XPO6: variants seen among roughly 807,000 people sequenced by gnomAD.
XPO6 encodes exportin 6, also known as exportin-6.
In XPO6, 3 loss-of-function variants were observed where a neutral mutation model predicts 130.0. The observed-to-expected ratio is 0.02, with a 90% confidence interval of 0.01 to 0.06. The LOEUF (loss-of-function observed/expected upper bound fraction) is 0.06, where lower values mean the gene tolerates loss of function less well. Among genes scored for constraint, XPO6 ranks in the 10% least tolerant of loss-of-function variants. The probability of loss-of-function intolerance (pLI) is 1.00; values close to 1 mark genes in which losing one functional copy is unlikely to be tolerated. For missense variants in XPO6, 970 were observed against 1,393.0 expected (o/e 0.70, Z 4.83); for synonymous variants, 524 against 548.9 (o/e 0.95, Z 0.63).
chr16:28,117,495 G>A, intron 14 of XPO6, 33 bp from the exon 15 acceptor site: 1 of 1,605,742 alleles, frequency 6.2e-7, no homozygotes, highest in Non-Finnish European at 8.5e-7. Context: ...GATTTTAAAG[G>A]TTAAGGTGAA....
rs911663756 is a variant in XPO6, at chr16:28,104,698, G to C, written c.2794C>G (p.Pro932Ala). 1.2e-6 allele frequency: 2 copies of C among 1,613,832 alleles called. No homozygotes were observed. The highest frequency in any genetic ancestry group is 2.7e-5 in the African/African-American group (2 of 74,936). Residue 932 changes from proline to alanine, a missense_variant, in exon 21 of 24, where the codon CCT becomes GCT. Pro to Ala is a conservative substitution (Grantham distance 27, BLOSUM62 -1). Coordinates refer to ENST00000304658, the MANE Select transcript of XPO6 (RefSeq NM_015171.4). ...VYPIIAERPS[P>A]DVKAELFELL... ...TCAAACAGCTCGGCCTTCACATCAG[G>C]GGAGGGACGCTGCAAAGACACACAG...
In XPO6 at chr16:28,132,376, C is replaced by T. The variant is rs2042688947; in HGVS notation, c.1564G>A (p.Val522Ile). 4 of 1,607,476 alleles carry T rather than the reference C, an allele frequency of 2.5e-6. No individual in the cohort carries two copies. The highest frequency in any genetic ancestry group is 2.5e-6 in the Non-Finnish European group (3 of 1,177,156). ...LFPVLQDNLEVYLGLQQFIVT... is the reference protein window; with the variant it reads ...LFPVLQDNLEIYLGLQQFIVT... The stretch of plus-strand genomic sequence containing the variant: ...ATAAACTGTTGTAATCCCAAATAAA[C>T]TTCTAAATTGTCCTGAAGAACAGGG... The change falls in exon 12 of 24, where the codon GTT becomes ATT. Residue 522 changes from valine (V) to isoleucine (I), a missense_variant. Physicochemically the swap from Val to Ile is conservative, Grantham distance 29 (BLOSUM62 3). Around this residue, in one of 4 missense-constraint regions of XPO6, gnomAD observed 936 missense variants for 1,306.8 expected, o/e 0.72. Transcript: ENST00000304658. The surrounding 1 kb of genome is among the most constrained non-coding windows in gnomAD (Gnocchi z 4.0).
chr16:28,166,842 TG>T (rs1467057080), intron 5 of XPO6: 19 of 984,382 alleles, frequency 1.9e-5, no homozygotes, highest in Admixed American at 1.2e-4. Flanking sequence ...CAGAGTCACC[TG>T]GTTGCTGCAT....
Position 28,106,080 on chromosome 16 carries a change from G to A in XPO6, c.2747C>T (p.Ala916Val), listed in dbSNP as rs1251536153. Residue 916 changes from alanine to valine, a missense_variant, in exon 20 of 24, where the codon GCC (alanine) becomes GTC (valine). Physicochemically the swap from Ala to Val is moderately conservative, Grantham distance 64. Around this residue, in one of 4 missense-constraint regions of XPO6, gnomAD observed 936 missense variants for 1,306.8 expected, o/e 0.72. Transcript: ENST00000304658. This position sits in a 1 kb window ranked among gnomAD's most constrained non-coding sequence, Gnocchi z 4.2. ...GGGATACACTTGCTCCATGCACAGG[G>A]CGATGATGCTGGGGAGGAAGGGCTT... Reference protein sequence around the residue: ...VFKPFLPSIIALCMEQVYPII... With the variant: ...VFKPFLPSIIVLCMEQVYPII... 1.9e-6 allele frequency: 3 copies of A among 1,614,058 alleles called. No homozygotes were observed. Among genetic ancestry groups the A allele is most frequent in the Admixed American group, 1.7e-5 (1 of 60,012 alleles).
intron 9 of XPO6, among the ~76,000 whole-genome samples, chr16:28,138,446 T>C (rs1219529216): frequency 6.8e-6 from 1 of 146,002 alleles, no homozygotes; most frequent in Non-Finnish European, 1.5e-5. Context: ...AACTGGCAAT[T>C]GGCAACTCTG....
chr16:28,158,365 G>A (rs902579620), intron 6 of XPO6, among the ~76,000 whole-genome samples: 1 of 152,168 alleles, frequency 6.6e-6, no homozygotes, highest in Admixed American at 6.5e-5. Context: ...ATGGGATATT[G>A]CAACAGATGA....
At chr16:28,209,562 C>T (rs2044092055) in intron 1 of XPO6, among the ~76,000 whole-genome samples, 1 of 151,126 alleles carries the variant, frequency 6.6e-6, no homozygotes, top group Non-Finnish European at 1.5e-5. Flanking sequence ...ATCACTTGAA[C>T]CCGGGAGGCA....
chr16:28,111,884 G>A lies in XPO6; in HGVS notation c.2274C>T (p.Leu758=). Residue 758 remains leucine, a synonymous_variant, in exon 17 of 24, where the codon CTC becomes CTT. Coordinates refer to ENST00000304658, the MANE Select transcript of XPO6 (RefSeq NM_015171.4). ...GCTTCAGGTTGCGATAGTCCCGGGA[G>A]AGTGCAGAGATGAGGCTGGCGTGGT... is the stretch of plus-strand genomic sequence containing the variant. The part of the protein sequence containing the change: ...SINHASLISA[L]SRDYRNLKPS... 1 of 1,614,212 alleles carries A rather than the reference G, an allele frequency of 6.2e-7. No homozygotes were observed. The highest frequency in any genetic ancestry group is 8.5e-7 in the Non-Finnish European group (1 of 1,180,032).
chr16:28,169,299 C>T (rs2043412607), intron 5 of XPO6, among the ~76,000 whole-genome samples: 1 of 152,200 alleles, frequency 6.6e-6, no homozygotes, highest in African/African-American at 2.4e-5. Flanking sequence ...AGACAAAATG[C>T]TACATACAAC....
chr16:28,186,600 C>T (rs2043699816), intron 1 of XPO6, among the ~76,000 whole-genome samples: 1 of 151,526 alleles, frequency 6.6e-6, no homozygotes, highest in Non-Finnish European at 1.5e-5. Context: ...GAACACCTGA[C>T]TTCAAGTGAT....
intron 1 of XPO6, among the ~76,000 whole-genome samples, chr16:28,192,227 C>T (rs1157824303): frequency 1.4e-5 from 2 of 142,634 alleles, no homozygotes; most frequent in Non-Finnish European, 3.0e-5. Flanking sequence ...CGGGCCACTG[C>T]ACTCCAGCCT....
At chr16:28,126,423 T>C (rs2087413215) in intron 12 of XPO6, among the ~76,000 whole-genome samples, 1 of 152,178 alleles carries the variant, frequency 6.6e-6, no homozygotes, top group South Asian at 2.1e-4. Context: ...AGTATGGGAC[T>C]TGGATTCCGA....
In XPO6 at chr16:28,146,124, C is replaced by A; in HGVS notation, c.1304G>T (p.Arg435Leu). ...LDYLTSKIKS[R>L]LGDKEAVLNR... ...GAGAACTGCTTCCTTGTCTCCAAGA[C>A]GACTTTTAATTTTACTTGTCAGATA... is the stretch of plus-strand genomic sequence containing the variant. The change falls in exon 9 of 24, where the codon CGT becomes CTT. Residue 435 changes from arginine to leucine, a missense_variant. Coordinates refer to ENST00000304658, the MANE Select transcript of XPO6 (RefSeq NM_015171.4). The A allele has an allele frequency of 1.9e-6, 3 of 1,613,992 alleles. No individual in the cohort carries two copies. Among genetic ancestry groups the A allele is most frequent in the Non-Finnish European group, 1.7e-6 (2 of 1,179,946 alleles).
In XPO6 at chr16:28,112,929, G is replaced by T. The variant is rs1353335958; in HGVS notation, c.2126C>A (p.Ala709Asp). 10 of 1,614,088 alleles carry T rather than the reference G, an allele frequency of 6.2e-6. No homozygotes were observed. Among genetic ancestry groups the T allele is most frequent in the Non-Finnish European group, 8.5e-6 (10 of 1,179,984 alleles). ...CTTATCGACAAGTCGCAGGGCAGAG[G>T]CATCAGTGATTCTGTTGAATACTTT... ...VQKVFNRITDASALRLVDKAQ... is the reference protein window; with the variant it reads ...VQKVFNRITDDSALRLVDKAQ... The change falls in exon 16 of 24, where the codon GCC (alanine) becomes GAC (aspartate). Residue 709 changes from alanine (A) to aspartate (D), a missense_variant. Physicochemically the swap from Ala to Asp is moderately radical, Grantham distance 126 (BLOSUM62 -2). This residue lies in a region of XPO6 where 936 missense variants were observed against 1,306.8 expected (regional missense o/e 0.72). Transcript: ENST00000304658.
Position 28,147,964 on chromosome 16 carries a change from A to T in XPO6, c.1225-1761T>A, listed in dbSNP as rs139647806. On this transcript the variant is annotated intron_variant, in intron 8 of 23. Transcript: ENST00000304658. ...CTGTCTCAAAAAAAAAGAAGAAATG[A>T]TATGAGTAGTCCTTGGACAGGCCAC... Among the ~76,000 whole-genome samples, 255 of 152,224 alleles carry T rather than the reference A, an allele frequency of 1.7e-3. 1 individual carries two copies. Among genetic ancestry groups the T allele is most frequent in the African/African-American group, 6.0e-3 (250 of 41,542 alleles).
At chr16:28,135,130 G>T in intron 10 of XPO6, 86 bp downstream of exon 10, 1 of 1,104,114 alleles carries the variant, frequency 9.1e-7, no homozygotes, top group Non-Finnish European at 1.3e-6. Flanking sequence ...AGTCTTCGGA[G>T]CAGAGGGCTC....
At chr16:28,167,913 G>A (rs899595676) in intron 5 of XPO6, among the ~76,000 whole-genome samples, 7 of 151,748 alleles carry the variant, frequency 4.6e-5, no homozygotes, top group African/African-American at 1.7e-4. Context: ...GTGAATGCCA[G>A]GGATTGGGGG....
chr16:28,134,754 A>G (rs1261570241), intron 10 of XPO6, among the ~76,000 whole-genome samples: 1 of 152,226 alleles, frequency 6.6e-6, no homozygotes, highest in Non-Finnish European at 1.5e-5. Context: ...ATCAGCATCA[A>G]TAAATTCAAG....
chr16:28,100,949 TCCCAGGACCTGGCAGCAACTCAGCCCA>T, intron 23 of XPO6: 1 of 232,118 alleles, frequency 4.3e-6, no homozygotes, highest in East Asian at 1.1e-4. Flanking sequence ...GGAGGGCTCC[TCCCAGGACCTGGCAGCAACTCAGCCCA>T]AGCTGAGCTG....
Sources: gnomAD v4.1 joint callset for allele counts (sites outside exome capture counted in the v4.1 genomes callset) on GRCh38, gnomAD v4.1.1 for gene constraint, gnomAD v4.1.1 regional missense constraint, Gnocchi (gnomAD v3.1) non-coding constraint, MANE v1.5 for transcripts, NCBI Gene and HGNC (gene_info 2026-07-23, HGNC 2026-07-21) for gene names.